CPNE8: variants seen among roughly 807,000 people sequenced by gnomAD.
The protein encoded by CPNE8 is copine 8, also known as copine-8.
Under a neutral mutation model 81.5 loss-of-function variants are expected in CPNE8, and 45 were observed. That is an observed-to-expected ratio of 0.55 (90% CI 0.44 to 0.71). The LOEUF is 0.71. CPNE8 is among the 30% of genes least tolerant of loss of function. The pLI, the probability that CPNE8 is intolerant of heterozygous loss-of-function variation, is 0.00. For synonymous variants in CPNE8, 252 were observed against 226.3 expected, an observed-to-expected ratio of 1.11 and a Z score of -1.02; for missense variants, 594 against 672.1, an observed-to-expected ratio of 0.88 and a Z score of 1.28.
chr12:38,736,871 C>T (rs1221450861), intron 10 of CPNE8, among the ~76,000 whole-genome samples: 1 of 151,910 alleles, frequency 6.6e-6, no homozygotes, highest in Non-Finnish European at 1.5e-5. Context: ...CAGTTATGAC[C>T]TTGGATACTT....
intron 10 of CPNE8, among the ~76,000 whole-genome samples, chr12:38,743,839 A>C (rs1941165722): frequency 6.6e-6 from 1 of 152,154 alleles, no homozygotes; most frequent in Non-Finnish European, 1.5e-5. Flanking sequence ...TTCAATCAAA[A>C]AAATTTAAAA....
chr12:38,668,629 T>C (rs895713551), intron 19 of CPNE8, among the ~76,000 whole-genome samples: 1 of 152,192 alleles, frequency 6.6e-6, no homozygotes, highest in Non-Finnish European at 1.5e-5. Flanking sequence ...CATACTTCCA[T>C]GCAGTAATTC....
At chr12:38,782,129 T>C (rs1024435147) in intron 6 of CPNE8, among the ~76,000 whole-genome samples, 8 of 152,158 alleles carry the variant, frequency 5.3e-5, no homozygotes, top group Non-Finnish European at 1.0e-4. Context: ...ACACAAGATG[T>C]TAATGTTAGA....
intron 13 of CPNE8, among the ~76,000 whole-genome samples, chr12:38,708,425 T>C (rs1341172861): frequency 6.6e-6 from 1 of 152,082 alleles, no homozygotes; most frequent in East Asian, 1.9e-4. Context: ...AGAATATTCA[T>C]AAAACAATCA....
intron 10 of CPNE8, among the ~76,000 whole-genome samples, chr12:38,760,408 C>A (rs1286366545): frequency 7.5e-6 from 1 of 133,704 alleles, no homozygotes; most frequent in African/African-American, 3.3e-5. Flanking sequence ...TGACCAGACA[C>A]AATTCTCGAG....
intron 16 of CPNE8, among the ~76,000 whole-genome samples, chr12:38,683,151 T>C (rs1172843640): frequency 3.9e-5 from 6 of 152,110 alleles, no homozygotes; most frequent in Non-Finnish European, 5.9e-5. Context: ...TACATAGATA[T>C]GAATCCTAAA....
chr12:38,906,090 C>T (rs1004658550), upstream of CPNE8: 21 of 986,398 alleles, frequency 2.1e-5, no homozygotes, highest in Admixed American at 6.1e-5. Context: ...GCACCTCTGC[C>T]CGTTCCTAAC....
chr12:38,754,953 CAAAAT>C (rs907401578), intron 10 of CPNE8, among the ~76,000 whole-genome samples: 10 of 152,022 alleles, frequency 6.6e-5, no homozygotes, highest in Non-Finnish European at 1.0e-4. Flanking sequence ...AGTGAGGAAA[CAAAAT>C]AAATACGAAA....
intron 4 of CPNE8, among the ~76,000 whole-genome samples, chr12:38,844,695 T>G (rs972282239): frequency 6.6e-6 from 1 of 152,094 alleles, no homozygotes; most frequent in Non-Finnish European, 1.5e-5. Context: ...TCTCTATCTC[T>G]TTCTCTCTCT....
At chr12:38,699,108 T>C (rs2136683152) in intron 14 of CPNE8, among the ~76,000 whole-genome samples, 1 of 152,342 alleles carries the variant, frequency 6.6e-6, no homozygotes, top group South Asian at 2.1e-4. Flanking sequence ...CTGGTTTCTC[T>C]CTTTATTTTC....
At chr12:38,712,251 C>A (rs1006235919) in intron 13 of CPNE8, among the ~76,000 whole-genome samples, 4 of 147,656 alleles carry the variant, frequency 2.7e-5, no homozygotes, top group Admixed American at 1.4e-4. Flanking sequence ...TGTTGCCAGG[C>A]TGGAGTGCAG....
At chr12:38,846,382 T>C (rs1943561337) in intron 4 of CPNE8, among the ~76,000 whole-genome samples, 1 of 152,188 alleles carries the variant, frequency 6.6e-6, no homozygotes, top group Admixed American at 6.5e-5. Flanking sequence ...TTGGGAGTTT[T>C]ATTAGAAAGA....
intron 3 of CPNE8, among the ~76,000 whole-genome samples, chr12:38,862,812 G>C (rs1190409953): frequency 3.3e-5 from 5 of 152,232 alleles, no homozygotes; most frequent in African/African-American, 1.2e-4. Context: ...AGTCAGGCCT[G>C]GTGGCACACA....
chr12:38,792,851 T>A (rs1408558768), intron 6 of CPNE8, among the ~76,000 whole-genome samples: 1 of 151,730 alleles, frequency 6.6e-6, no homozygotes, highest in Admixed American at 6.6e-5. Context: ...ACTGGCAAAC[T>A]GAAATCAATG....
intron 6 of CPNE8, among the ~76,000 whole-genome samples, chr12:38,792,960 T>C (rs1942360388): frequency 1.3e-5 from 2 of 151,830 alleles, no homozygotes; most frequent in African/African-American, 4.8e-5. Flanking sequence ...ATACACCACA[T>C]TAACAGAATA....
chr12:38,798,055 G>A (rs7980448), intron 6 of CPNE8, among the ~76,000 whole-genome samples: 50,512 of 151,976 alleles, frequency 0.33, 9,932 homozygotes, highest in Non-Finnish European at 0.43. Context: ...TATGTGAAAA[G>A]ACCAAATCTA....
At chr12:38,668,126 T>C (rs2136641311) in intron 19 of CPNE8, among the ~76,000 whole-genome samples, 1 of 152,252 alleles carries the variant, frequency 6.6e-6, no homozygotes, top group Middle Eastern at 3.4e-3. Flanking sequence ...AAGCAAAAAC[T>C]TATATAATTA....
chr12:38,784,772 A>C (rs1942139587), intron 6 of CPNE8, among the ~76,000 whole-genome samples: 1 of 152,220 alleles, frequency 6.6e-6, no homozygotes, highest in Admixed American at 6.5e-5. Flanking sequence ...GGAATAATAT[A>C]CCTGGTGAAA....
intron 13 of CPNE8, among the ~76,000 whole-genome samples, chr12:38,716,142 AT>A (rs1940384708): frequency 6.6e-6 from 1 of 152,176 alleles, no homozygotes; most frequent in Non-Finnish European, 1.5e-5. Flanking sequence ...GCTGAAAGAA[AT>A]CATAGATGAC....
Sources: gnomAD v4.1 joint callset for allele counts (sites outside exome capture counted in the v4.1 genomes callset) on GRCh38, gnomAD v4.1.1 for gene constraint, MANE v1.5 for transcripts, NCBI Gene and HGNC (gene_info 2026-07-23, HGNC 2026-07-21) for gene names.